Variants in ZNF18 observed in about 807,000 individuals in gnomAD.
ZNF18 encodes heart development-specific gene 1 protein.
A neutral mutation model predicts 58.1 loss-of-function variants in ZNF18; 42 were observed. The ratio of observed to expected loss-of-function variants is 0.72; its 90% CI spans 0.56 to 0.93. ZNF18 has a LOEUF of 0.93. Among genes scored for constraint, ZNF18 ranks in the 40% least tolerant of loss-of-function variants. ZNF18 has a pLI of 0.00. For missense variants in ZNF18, 540 were observed against 644.2 expected, an observed-to-expected ratio of 0.84 and a Z score of 1.75; for synonymous variants, 231 against 239.8, an observed-to-expected ratio of 0.96 and a Z score of 0.34.
At chr17:11,993,327 C>T (rs1968253691) in intron 1 of ZNF18, among the ~76,000 whole-genome samples, 1 of 152,138 alleles carries the variant, frequency 6.6e-6, no homozygotes, top group Non-Finnish European at 1.5e-5. Context: ...CTAATGCCTA[C>T]ATGCTTCTGT....
intron 4 of ZNF18, among the ~76,000 whole-genome samples, chr17:11,985,624 T>C (rs1967686607): frequency 6.6e-6 from 1 of 152,224 alleles, no homozygotes; most frequent in Admixed American, 6.5e-5. Flanking sequence ...CTACTAGCAA[T>C]GTAAGCTCCA....
the ZNF18 span, among the ~76,000 whole-genome samples, chr17:12,003,439 CAAAAAA>C: frequency 1.4e-5 from 1 of 72,474 alleles, no homozygotes; most frequent in East Asian, 3.5e-4. Flanking sequence ...GACTCTGTCT[CAAAAAA>C]AAAAAAAAAA....
intron 4 of ZNF18, among the ~76,000 whole-genome samples, chr17:11,985,718 A>G (rs1300804413): frequency 6.6e-6 from 1 of 152,152 alleles, no homozygotes; most frequent in Non-Finnish European, 1.5e-5. Flanking sequence ...GAGGCACTTG[A>G]TATATGTTAC....
the ZNF18 span, among the ~76,000 whole-genome samples, chr17:12,004,719 T>C: frequency 2.0e-5 from 3 of 151,858 alleles, no homozygotes; most frequent in Non-Finnish European, 4.4e-5. Flanking sequence ...AAACCATGTC[T>C]CTACTAAAAA....
In ZNF18 at chr17:11,978,737, T is replaced by A. The variant is rs1382214710; in HGVS notation, c.870A>T (p.Arg290Ser). 1 of 1,586,402 alleles carries A rather than the reference T, an allele frequency of 6.3e-7. No individual in the cohort carries two copies. The highest frequency in any genetic ancestry group is 8.5e-7 in the Non-Finnish European group (1 of 1,173,004). ...TTAGGTTCTCCTTGTCATTCTCTTG[T>A]CTATCTCCTAAAAGAAGAAAGAAGA... Reference protein sequence around the residue: ...KIPRPTCIGDRQENDKENLNL... With the variant: ...KIPRPTCIGDSQENDKENLNL... Residue 290 changes from arginine to serine, a missense_variant, in exon 7 of 7, where the codon AGA (arginine) becomes AGT (serine). Coordinates refer to ENST00000580306, the MANE Select transcript of ZNF18 (RefSeq NM_001303281.2).
rs1967161198 is a variant in ZNF18 at position 11,978,845 on chromosome 17, T to TTTC, written c.863-102_863-101insGAA. 5.6e-5 allele frequency: 38 copies of TTTC among 684,238 alleles called. No homozygotes were observed. In the South Asian group the frequency reaches 1.2e-3, roughly 21 times the overall value. The allele number at this position is 684,238 out of a possible 1,614,324, so 42.4% of individuals were successfully genotyped here. ...CATCATAAAACATTCATTTTCTTTT[T>TTTC]TTTTTTTTTTTTTTTTTTTTTAGGG... On this transcript the variant is annotated intron_variant, in intron 6 of 6. Transcript: ENST00000580306.
At chr17:12,016,245 G>A in the ZNF18 span, among the ~76,000 whole-genome samples, 2 of 152,082 alleles carry the variant, frequency 1.3e-5, no homozygotes, top group African/African-American at 4.8e-5. Context: ...ACCCCAGAAA[G>A]TTCCTTTTTC....
chr17:12,011,067 G>A, the ZNF18 span: 7 of 732,492 alleles, frequency 9.6e-6, no homozygotes, highest in Admixed American at 8.8e-5. Flanking sequence ...ACACCTGTGG[G>A]GCATTCCTTT....
At position 11,977,755 on chromosome 17, in the gene ZNF18, G is replaced by GA; in HGVS notation, c.*201dup. ...GAAGACTATTCTTTCTCCTGAGGCAGAATCAAGAATTTAAGCCATTGTGCA... is the reference window on the plus strand; with the variant it reads ...GAAGACTATTCTTTCTCCTGAGGCAGAAATCAAGAATTTAAGCCATTGTGCA... On this transcript the variant is annotated 3_prime_UTR_variant, in exon 7 of 7. Coordinates refer to ENST00000580306, the MANE Select transcript of ZNF18 (RefSeq NM_001303281.2). 3.6e-6 allele frequency: 2 copies of GA among 550,052 alleles called. No homozygotes were observed. The highest frequency in any genetic ancestry group is 6.1e-6 in the Non-Finnish European group (2 of 328,680). 34.1% of individuals were successfully genotyped at this position (550,052 alleles called of 1,614,324 possible). A position where few individuals can be genotyped will look rare whatever the true frequency, so the allele number is the denominator to read the frequency against.
the ZNF18 span, among the ~76,000 whole-genome samples, chr17:12,008,489 C>T: frequency 1.3e-5 from 2 of 152,160 alleles, no homozygotes; most frequent in Admixed American, 1.3e-4. Context: ...CTCAAGCCAC[C>T]ATGCCCAGCT....
At chr17:11,991,486 G>A (rs1968125143) in intron 2 of ZNF18, among the ~76,000 whole-genome samples, 1 of 152,184 alleles carries the variant, frequency 6.6e-6, no homozygotes, top group Non-Finnish European at 1.5e-5. Context: ...GAATGCGCTG[G>A]GAGACTTTAC....
rs1330373539 is a variant in ZNF18 at position 11,992,716 on chromosome 17, C to T, written c.114G>A (p.Glu38=). The T allele has an allele frequency of 6.2e-7, 1 of 1,614,266 alleles. No individual in the cohort carries two copies. The highest frequency in any genetic ancestry group is 8.5e-7 in the Non-Finnish European group (1 of 1,180,056). ...ACTGCCTGAAAAGCTGGCGTGCGGT[C>T]TCAGGGCTGGAGAGTTCCTCTTGAA... ...AALQEELSSP[E]TARQLFRQFR... Residue 38 remains glutamate (E), a synonymous_variant, in exon 2 of 7, where the codon GAG becomes GAA. Transcript: ENST00000580306.
upstream of ZNF18, among the ~76,000 whole-genome samples, chr17:11,998,068 T>C (rs1260736849): frequency 6.6e-6 from 1 of 151,818 alleles, no homozygotes; most frequent in African/African-American, 2.4e-5. Context: ...TCTCTCTCTC[T>C]CTCAACAAAT....
At chr17:11,998,822 CTTTT>C (rs71142260), upstream of ZNF18, among the ~76,000 whole-genome samples, 150 of 108,522 alleles carry the variant, frequency 1.4e-3, no homozygotes, top group African/African-American at 4.5e-3. Context: ...AGTTTCTAGT[CTTTT>C]TTTTTTTTTT....
upstream of ZNF18, among the ~76,000 whole-genome samples, chr17:11,999,354 C>T: frequency 6.6e-6 from 1 of 152,162 alleles, no homozygotes; most frequent in East Asian, 1.9e-4. Context: ...GAAACCCATC[C>T]TTGGAACCCA....
chr17:12,016,544 G>C, the ZNF18 span, among the ~76,000 whole-genome samples: 2 of 151,844 alleles, frequency 1.3e-5, no homozygotes, highest in Non-Finnish European at 2.9e-5. Flanking sequence ...TGCCCACCTT[G>C]GTTTTGAACT....
At chr17:12,003,956 G>T in the ZNF18 span, among the ~76,000 whole-genome samples, 1,269 of 152,328 alleles carry the variant, frequency 8.3e-3, 18 homozygotes, top group African/African-American at 0.029. Flanking sequence ...GCCTGGGCCG[G>T]GTGCAGTGAC....
rs539118760 is a variant in ZNF18 at position 11,991,097 on chromosome 17, C to T, written c.454G>A (p.Gly152Arg). 1.2e-6 allele frequency: 2 copies of T among 1,614,214 alleles called. No individual in the cohort carries two copies. Among genetic ancestry groups the T allele is most frequent in the Admixed American group, 3.3e-5 (2 of 60,028 alleles). ...EKMESPSCQVGEVEPHLEVVP... is the reference protein window; with the variant it reads ...EKMESPSCQVREVEPHLEVVP... ...ACTTCAAGATGGGGCTCCACTTCCCCCACTTGGCAGCTTGGAGATTCCATC... is the reference window on the plus strand; with the variant it reads ...ACTTCAAGATGGGGCTCCACTTCCCTCACTTGGCAGCTTGGAGATTCCATC... Residue 152 changes from glycine to arginine, a missense_variant, in exon 3 of 7, where the codon GGG (glycine) becomes AGG (arginine). Gly to Arg is a moderately radical substitution (Grantham distance 125). Coordinates refer to ENST00000580306, the MANE Select transcript of ZNF18 (RefSeq NM_001303281.2).
Position 11,978,691 on chromosome 17 carries a change from G to T in ZNF18, c.916C>A (p.Gln306Lys). ...ENLNLENHRD[Q>K]ELLHASCQAS... ...TGACAGGAAGCATGCAGGAGCTCCT[G>T]GTCCCTGTGATTCTCCAAATTTAGG... Residue 306 changes from glutamine (Q) to lysine (K), a missense_variant, in exon 7 of 7, where the codon CAG (glutamine) becomes AAG (lysine). Gln to Lys is a moderately conservative substitution (Grantham distance 53). Coordinates refer to ENST00000580306, the MANE Select transcript of ZNF18 (RefSeq NM_001303281.2). 1 of 1,609,222 alleles carries T rather than the reference G, an allele frequency of 6.2e-7. No homozygotes were observed. Among genetic ancestry groups the T allele is most frequent in the South Asian group, 1.1e-5 (1 of 90,862 alleles).
Sources: allele counts gnomAD v4.1 joint callset (sites outside exome capture counted in the v4.1 genomes callset), GRCh38; gene constraint gnomAD v4.1.1; transcripts MANE v1.5; gene names NCBI Gene and HGNC (gene_info 2026-07-23, HGNC 2026-07-21).